The following DCC variants were observed in gnomAD, a reference collection of about 807,000 sequenced individuals.
DCC encodes the protein netrin receptor DCC.
DCC carries 58 observed loss-of-function variants against 172.5 expected under a neutral mutation model. The ratio of observed to expected loss-of-function variants is 0.34; its 90% confidence interval spans 0.27 to 0.42. The LOEUF is 0.42. Among genes scored for constraint, DCC ranks in the 10% least tolerant of loss-of-function variants. The probability of loss-of-function intolerance (pLI) is 1.00; values close to 1 mark genes in which losing one functional copy is unlikely to be tolerated. For missense variants in DCC, 1,740 were observed against 1,791.0 expected, an observed-to-expected ratio of 0.97 and a Z score of 0.51; for synonymous variants, 709 against 644.5, an observed-to-expected ratio of 1.10 and a Z score of -1.52.
chr18:52,365,991 TCAC>T (rs1187481308), intron 1 of DCC, among the ~76,000 whole-genome samples: 1 of 152,230 alleles, frequency 6.6e-6, no homozygotes, highest in African/African-American at 2.4e-5. Context: ...ACTTAAGGCA[TCAC>T]GTTATGGAAT....
chr18:52,877,925 T>C (rs1598891415), intron 2 of DCC, among the ~76,000 whole-genome samples: 1 of 152,148 alleles, frequency 6.6e-6, no homozygotes, highest in African/African-American at 2.4e-5. Flanking sequence ...ATATTAATGA[T>C]AATGTAAAGA....
chr18:52,552,810 A>T (rs1196892158), intron 1 of DCC, among the ~76,000 whole-genome samples: 1 of 151,766 alleles, frequency 6.6e-6, no homozygotes, highest in African/African-American at 2.4e-5. Flanking sequence ...TGTAGGCTAC[A>T]TGTAAAGAAA....
chr18:53,362,662 A>C (rs2057960600), intron 15 of DCC, among the ~76,000 whole-genome samples: 2 of 152,092 alleles, frequency 1.3e-5, no homozygotes. Flanking sequence ...TTCTTTTCTG[A>C]ATAGGCTATC....
intron 1 of DCC, among the ~76,000 whole-genome samples, chr18:52,688,800 CAT>C (rs1330358336): frequency 6.6e-6 from 1 of 151,806 alleles, no homozygotes; most frequent in Non-Finnish European, 1.5e-5. Context: ...AAAAATAAAA[CAT>C]AAAGAATGCT....
chr18:53,223,908 T>A (rs902485756), intron 12 of DCC, among the ~76,000 whole-genome samples: 4 of 152,156 alleles, frequency 2.6e-5, no homozygotes, highest in Admixed American at 2.6e-4. Context: ...CAAAGGTATT[T>A]TGTGCCTGGC....
chr18:52,538,842 C>T (rs1440396741), intron 1 of DCC, among the ~76,000 whole-genome samples: 1 of 152,120 alleles, frequency 6.6e-6, no homozygotes, highest in Non-Finnish European at 1.5e-5. Context: ...TACTTTCCCA[C>T]AGAGCTGTAC....
chr18:53,327,644 A>G (rs552330937), intron 14 of DCC, among the ~76,000 whole-genome samples: 139 of 152,288 alleles, frequency 9.1e-4, no homozygotes, highest in South Asian at 6.6e-3. Context: ...TCTTGCCCCC[A>G]GGAAATAGGT....
intron 8 of DCC, among the ~76,000 whole-genome samples, chr18:53,170,361 T>C (rs902242170): frequency 4.6e-5 from 7 of 152,240 alleles, no homozygotes; most frequent in African/African-American, 1.4e-4. Context: ...TGTGTAGTTA[T>C]GCTCACTCTT....
intron 5 of DCC, among the ~76,000 whole-genome samples, chr18:52,940,709 T>C (rs1022189124): frequency 6.6e-6 from 1 of 152,202 alleles, no homozygotes; most frequent in African/African-American, 2.4e-5. Flanking sequence ...TATGCTGATA[T>C]GATGATGTAC....
At chr18:53,370,567 G>A (rs1042545578) in intron 15 of DCC, among the ~76,000 whole-genome samples, 1 of 151,634 alleles carries the variant, frequency 6.6e-6, no homozygotes, top group Non-Finnish European at 1.5e-5. Flanking sequence ...ATGTGTTTTG[G>A]TACACTGTCT....
chr18:52,744,138 A>G (rs1364646076), intron 1 of DCC, among the ~76,000 whole-genome samples: 2 of 152,120 alleles, frequency 1.3e-5, no homozygotes, highest in Non-Finnish European at 2.9e-5. Context: ...AACAAATAAT[A>G]TTTTAGTATA....
At chr18:52,558,281 A>G (rs2032960378) in intron 1 of DCC, among the ~76,000 whole-genome samples, 1 of 151,784 alleles carries the variant, frequency 6.6e-6, no homozygotes, top group Non-Finnish European at 1.5e-5. Flanking sequence ...TTATGATAAT[A>G]CATTTATTAC....
At chr18:52,925,847 T>C (rs1392586729) in intron 5 of DCC, among the ~76,000 whole-genome samples, 2 of 149,930 alleles carry the variant, frequency 1.3e-5, no homozygotes, top group African/African-American at 4.9e-5. Context: ...TAAAATAAAG[T>C]ATATGTAAGG....
chr18:53,152,467 A>G (rs2054656345), intron 7 of DCC, among the ~76,000 whole-genome samples: 1 of 152,190 alleles, frequency 6.6e-6, no homozygotes, highest in Non-Finnish European at 1.5e-5. Context: ...GACCTAAACA[A>G]AATATTATTT....
intron 1 of DCC, among the ~76,000 whole-genome samples, chr18:52,387,069 A>T (rs1985828913): frequency 6.6e-6 from 1 of 152,184 alleles, no homozygotes; most frequent in Non-Finnish European, 1.5e-5. Context: ...ATTACACCGA[A>T]TTCAGCTGAA....
At chr18:52,936,000 T>C (rs2040376469) in intron 5 of DCC, among the ~76,000 whole-genome samples, 2 of 152,104 alleles carry the variant, frequency 1.3e-5, no homozygotes, top group African/African-American at 4.8e-5. Context: ...TACGTTTGTA[T>C]TGATTATCCT....
intron 1 of DCC, among the ~76,000 whole-genome samples, chr18:52,552,338 C>T (rs367782454): frequency 6.6e-6 from 1 of 151,942 alleles, no homozygotes; most frequent in Admixed American, 6.6e-5. Context: ...ATGTGATTTC[C>T]GGTACCATTC....
chr18:52,889,040 G>A lies in DCC; in HGVS notation c.413-17004G>A, dbSNP rs189334611. Among the ~76,000 whole-genome samples the A allele has an allele frequency of 2.8e-3, 433 of 152,086 alleles. 2 individuals carry two copies. The highest frequency in any genetic ancestry group is 9.7e-3 in the African/African-American group (404 of 41,522). On this transcript the variant is annotated intron_variant, in intron 2 of 28. Transcript: ENST00000442544. ...ATTTAATTGGCTTTTCAAACAGGAA[G>A]CTCAACAGGGGAGGGAATGCTCAGC...
chr18:53,343,172 C>G (rs991617303), intron 15 of DCC, among the ~76,000 whole-genome samples: 10 of 151,590 alleles, frequency 6.6e-5, no homozygotes, highest in African/African-American at 2.2e-4. Context: ...TTTCTGTTGC[C>G]TTATTTCAGT....
Sources: allele counts gnomAD v4.1 joint callset (sites outside exome capture counted in the v4.1 genomes callset), GRCh38; gene constraint gnomAD v4.1.1; transcripts MANE v1.5; gene names NCBI Gene and HGNC (gene_info 2026-07-23, HGNC 2026-07-21).